Variants in PRMT9 observed in about 807,000 individuals in gnomAD.
The protein encoded by PRMT9 is protein arginine N-methyltransferase 9.
PRMT9 carries 59 observed loss-of-function variants against 83.2 expected under a neutral mutation model. The observed-to-expected ratio is 0.71, with a 90% CI of 0.57 to 0.88. The LOEUF (loss-of-function observed/expected upper bound fraction) is 0.88, where lower values mean the gene tolerates loss of function less well. Among genes scored for constraint, PRMT9 ranks in the 40% least tolerant of loss-of-function variants. PRMT9 has a pLI of 0.00. For synonymous variants in PRMT9, 333 were observed against 353.2 expected (o/e 0.94, Z 0.64); for missense variants, 947 against 1,021.9 (o/e 0.93, Z 1.00).
Position 147,670,734 on chromosome 4 carries a change from T to C in PRMT9, c.753A>G (p.Leu251=). 6.2e-7 allele frequency: 1 copy of C among 1,602,638 alleles called. No homozygotes were observed. Among genetic ancestry groups the C allele is most frequent in the South Asian group, 1.1e-5 (1 of 90,892 alleles). ...IPKHIPERVS[L]VVTETVDAGL... ...CTGCATCGACAGTTTCTGTTACAAC[T>C]AGGGACACTCTATAGAATGATTTTT... Residue 251 remains leucine (L), a synonymous_variant, in exon 5 of 12, where the codon CTA becomes CTG. Transcript: ENST00000322396.
intron 6 of PRMT9, among the ~76,000 whole-genome samples, chr4:147,666,228 C>T (rs1735321732): frequency 6.6e-6 from 1 of 152,098 alleles, no homozygotes; most frequent in Non-Finnish European, 1.5e-5. Context: ...CAGTCTGTCA[C>T]TTGTTTTTTA....
At chr4:147,666,753 C>A (rs1429088198) in intron 6 of PRMT9, among the ~76,000 whole-genome samples, 4 of 145,608 alleles carry the variant, frequency 2.7e-5, no homozygotes, top group Non-Finnish European at 6.0e-5. Context: ...CCAGGTAAAA[C>A]AGTAGCACTC....
intron 9 of PRMT9, among the ~76,000 whole-genome samples, chr4:147,649,977 C>T (rs1281173896): frequency 6.6e-6 from 1 of 152,194 alleles, no homozygotes; most frequent in Admixed American, 6.5e-5. Flanking sequence ...AAAAATCACA[C>T]TTTCATTATA....
At chr4:147,645,797 C>G (rs1363783736) in intron 9 of PRMT9, among the ~76,000 whole-genome samples, 1 of 152,192 alleles carries the variant, frequency 6.6e-6, no homozygotes, top group African/African-American at 2.4e-5. Flanking sequence ...AGCACAGATT[C>G]AGCAAGGAAA....
In PRMT9 at chr4:147,677,622, T is replaced by TTTTGCA. The variant is rs1190885883; in HGVS notation, c.338+2695_338+2700dup. On this transcript the variant is annotated intron_variant, in intron 2 of 11. Coordinates refer to ENST00000322396, the MANE Select transcript of PRMT9 (RefSeq NM_138364.4). Reference sequence around the variant, plus strand: ...ACACGTGCCACCACACCCGTTTACTTTTTGCATTTTTTTTAGTAGAAACAG... The same window carrying TTTTGCA: ...ACACGTGCCACCACACCCGTTTACTTTTTGCATTTGCATTTTTTTTAGTAGAAACAG... Among the ~76,000 whole-genome samples, 161 of 151,950 alleles carry TTTTGCA rather than the reference T, an allele frequency of 1.1e-3. 1 individual carries two copies. Among genetic ancestry groups the TTTTGCA allele is most frequent in the Middle Eastern group, 3.4e-3 (1 of 294 alleles).
intron 9 of PRMT9, among the ~76,000 whole-genome samples, chr4:147,645,883 C>A (rs1460022940): frequency 6.6e-6 from 1 of 152,182 alleles, no homozygotes; most frequent in Non-Finnish European, 1.5e-5. Context: ...GATAATCTCT[C>A]TTTACCCACT....
At chr4:147,674,404 A>T (rs1248552289) in intron 2 of PRMT9, among the ~76,000 whole-genome samples, 1 of 152,344 alleles carries the variant, frequency 6.6e-6, no homozygotes, top group East Asian at 1.9e-4. Context: ...GCCTACAGAC[A>T]CTAAGCTAAA....
At position 147,658,347 on chromosome 4, in the gene PRMT9, AAGAG is replaced by A. The variant is rs200895341; in HGVS notation, c.1147-376_1147-373del. Among the ~76,000 whole-genome samples, 1,295 of 151,914 alleles carry A rather than the reference AAGAG, an allele frequency of 8.5e-3. 19 individuals are homozygous for A. The highest frequency in any genetic ancestry group is 0.03 in the African/African-American group (1,235 of 41,412). On this transcript the variant is annotated intron_variant, in intron 7 of 11. Transcript: ENST00000322396. ...GAGTAGTGAGAGAGAGCATGTGTTT[AAGAG>A]AGAGAGTGAGAAAGAGAGAGAGTGA...
chr4:147,673,847 C>T lies in PRMT9; in HGVS notation c.366G>A (p.Gly122=). The T allele has an allele frequency of 3.7e-6, 6 of 1,613,978 alleles. No individual in the cohort carries two copies. The highest frequency in any genetic ancestry group is 5.1e-6 in the Non-Finnish European group (6 of 1,179,898). ...FRMGFRDEAA[G]YFHKAVKLNP... ...TTAGCTTCACTGCTTTATGAAAATA[C>T]CCAGCTGCTTCATCCCTAAAGCCCA... The change falls in exon 3 of 12, where the codon GGG becomes GGA. Residue 122 remains glycine (G), a synonymous_variant. Coordinates refer to ENST00000322396, the MANE Select transcript of PRMT9 (RefSeq NM_138364.4).
chr4:147,662,791 CCT>C (rs1008890187), intron 6 of PRMT9, among the ~76,000 whole-genome samples: 2 of 151,414 alleles, frequency 1.3e-5, no homozygotes, highest in Non-Finnish European at 2.9e-5. Flanking sequence ...AGAGCGAGAC[CCT>C]GTCTCAAAAA....
At position 147,653,985 on chromosome 4, in the gene PRMT9, T is replaced by C; in HGVS notation, c.1912A>G (p.Arg638Gly). Residue 638 changes from arginine to glycine, a missense_variant, in exon 9 of 12, where the codon AGA (arginine) becomes GGA (glycine). Physicochemically the swap from Arg to Gly is moderately radical, Grantham distance 125. Coordinates refer to ENST00000322396, the MANE Select transcript of PRMT9 (RefSeq NM_138364.4). ...FPKETLEFWLRHVEDESAMLQ... is the reference protein window; with the variant it reads ...FPKETLEFWLGHVEDESAMLQ... ...ATAGCAGATTCATCCTCCACATGTC[T>C]CAGCCAAAACTCAAGTGTTTCTTTA... is the stretch of plus-strand genomic sequence containing the variant. 6.2e-7 allele frequency: 1 copy of C among 1,614,218 alleles called. No individual in the cohort carries two copies. The highest frequency in any genetic ancestry group is 8.5e-7 in the Non-Finnish European group (1 of 1,180,020).
At chr4:147,682,735 G>C (rs1263452437) in intron 1 of PRMT9, among the ~76,000 whole-genome samples, 1 of 152,204 alleles carries the variant, frequency 6.6e-6, no homozygotes. Flanking sequence ...TTCTATTGCT[G>C]CCTACCAAGA....
intron 10 of PRMT9, among the ~76,000 whole-genome samples, chr4:147,642,244 T>C (rs1435180060): frequency 1.4e-5 from 2 of 145,042 alleles, no homozygotes; most frequent in Admixed American, 6.9e-5. Flanking sequence ...ATCTAAAAAC[T>C]TTTTTTTTTT....
intron 10 of PRMT9, 182 bp from the exon 11 acceptor site, chr4:147,639,264 A>G: frequency 1.8e-6 from 1 of 567,080 alleles, no homozygotes; most frequent in South Asian, 2.0e-5. Flanking sequence ...GCTGGCTTTC[A>G]TTAGAACTTT....
chr4:147,645,636 T>C (rs2126576206), intron 9 of PRMT9, among the ~76,000 whole-genome samples: 1 of 152,334 alleles, frequency 6.6e-6, no homozygotes, highest in South Asian at 2.1e-4. Flanking sequence ...GTGTTCTCTG[T>C]TATTATTCTT....
intron 9 of PRMT9, among the ~76,000 whole-genome samples, chr4:147,651,958 G>A (rs1444107138): frequency 6.6e-6 from 1 of 151,986 alleles, no homozygotes; most frequent in Non-Finnish European, 1.5e-5. Context: ...CTAAATTTTA[G>A]GAATATTTTA....
chr4:147,640,588 GT>G (rs1733330201), intron 10 of PRMT9, among the ~76,000 whole-genome samples: 2 of 151,944 alleles, frequency 1.3e-5, no homozygotes, highest in East Asian at 3.9e-4. Flanking sequence ...CAATTGCTCA[GT>G]GACCACAGCT....
chr4:147,673,935 CTTTG>C, intron 2 of PRMT9, 61 bp from the exon 3 acceptor site: 2 of 1,316,906 alleles, frequency 1.5e-6, no homozygotes, highest in Non-Finnish European at 2.2e-6. Context: ...ACTGCAGTAC[CTTTG>C]TTTATGCCAC....
intron 9 of PRMT9, among the ~76,000 whole-genome samples, chr4:147,653,070 A>C (rs1265163924): frequency 6.6e-6 from 1 of 152,212 alleles, no homozygotes; most frequent in African/African-American, 2.4e-5. Context: ...ACACAAAAAC[A>C]CACACATCCT....
Sources: allele counts gnomAD v4.1 joint callset (sites outside exome capture counted in the v4.1 genomes callset), GRCh38; gene constraint gnomAD v4.1.1; transcripts MANE v1.5; gene names NCBI Gene and HGNC (gene_info 2026-07-23, HGNC 2026-07-21).